ZNF438: variants seen among roughly 807,000 people sequenced by gnomAD.
The protein encoded by ZNF438 is zinc finger protein 438.
A neutral mutation model predicts 38.0 loss-of-function variants in ZNF438; 25 were observed. The observed-to-expected ratio is 0.66, with a 90% CI of 0.48 to 0.92. The LOEUF is 0.92. Ranked by LOEUF, ZNF438 falls within the 40% of genes least tolerant of loss-of-function variation. The pLI is 0.00. For missense variants in ZNF438, 1,007 were observed against 999.6 expected, an observed-to-expected ratio of 1.01 and a Z score of -0.10; for synonymous variants, 372 against 364.1, an observed-to-expected ratio of 1.02 and a Z score of -0.25.
At chr10:30,919,944 T>G (rs1170989830) in intron 2 of ZNF438, 1 of 152,296 alleles carries the variant, frequency 6.6e-6, no homozygotes, top group Non-Finnish European at 1.5e-5. Context: ...TCCTCATCTG[T>G]GTTCATGAAC....
intron 3 of ZNF438, among the ~76,000 whole-genome samples, chr10:30,901,999 G>A (rs1255452484): frequency 6.8e-6 from 1 of 146,934 alleles, no homozygotes; most frequent in Non-Finnish European, 1.5e-5. Flanking sequence ...GCTGGCTTTA[G>A]GAGTGAAGCT....
intron 1 of ZNF438, among the ~76,000 whole-genome samples, chr10:31,008,074 C>T (rs1232748719): frequency 6.6e-6 from 1 of 152,144 alleles, no homozygotes; most frequent in Admixed American, 6.5e-5. Flanking sequence ...TATGTTTCAA[C>T]ATTTTCAATA....
chr10:30,885,874 A>T, intron 3 of ZNF438, among the ~76,000 whole-genome samples: 1 of 152,236 alleles, frequency 6.6e-6, no homozygotes, highest in African/African-American at 2.4e-5. Flanking sequence ...GGAAATAAAA[A>T]AATTCAAGGG....
intron 3 of ZNF438, among the ~76,000 whole-genome samples, chr10:30,879,670 A>G (rs2038943389): frequency 6.6e-6 from 1 of 152,236 alleles, no homozygotes; most frequent in African/African-American, 2.4e-5. Flanking sequence ...TATAATGTAT[A>G]AGATGAAAAA....
At chr10:30,872,197 T>C (rs2037530125) in intron 4 of ZNF438, among the ~76,000 whole-genome samples, 1 of 151,422 alleles carries the variant, frequency 6.6e-6, no homozygotes, top group Admixed American at 6.6e-5. Flanking sequence ...GTCAAGCAAG[T>C]GGAATTTAAG....
intron 1 of ZNF438, among the ~76,000 whole-genome samples, chr10:30,953,700 T>C (rs73252658): frequency 0.012 from 1,829 of 150,798 alleles, 40 homozygotes; most frequent in African/African-American, 0.041. Flanking sequence ...GCATTGGCTT[T>C]GGGACCAGAG....
intron 1 of ZNF438, among the ~76,000 whole-genome samples, chr10:30,998,906 A>G (rs992621225): frequency 1.3e-5 from 2 of 152,198 alleles, no homozygotes; most frequent in African/African-American, 4.8e-5. Flanking sequence ...CTATTTCCAT[A>G]CACTTTCTGA....
At chr10:30,975,241 C>G (rs1470962105) in intron 1 of ZNF438, among the ~76,000 whole-genome samples, 1 of 152,046 alleles carries the variant, frequency 6.6e-6, no homozygotes, top group Non-Finnish European at 1.5e-5. Flanking sequence ...CAAGCATGTT[C>G]TGAAAAAAAC....
chr10:30,879,896 A>C (rs2038977918), intron 3 of ZNF438, among the ~76,000 whole-genome samples: 1 of 152,188 alleles, frequency 6.6e-6, no homozygotes, highest in South Asian at 2.1e-4. Flanking sequence ...AAGGGCAAAA[A>C]AATTATTTTA....
At chr10:30,906,615 C>G (rs1340373320) in intron 3 of ZNF438, among the ~76,000 whole-genome samples, 3 of 152,154 alleles carry the variant, frequency 2.0e-5, no homozygotes, top group East Asian at 3.9e-4. Context: ...TAAATAGAAA[C>G]AGTAAGATAA....
intron 1 of ZNF438, among the ~76,000 whole-genome samples, chr10:30,943,036 T>A (rs1041058790): frequency 3.3e-4 from 50 of 152,284 alleles, no homozygotes; most frequent in African/African-American, 1.0e-3. Context: ...AATTAACCAA[T>A]AAATTTTAGT....
intron 2 of ZNF438, among the ~76,000 whole-genome samples, chr10:30,913,642 T>C (rs1023514692): frequency 5.3e-5 from 8 of 152,034 alleles, no homozygotes; most frequent in Non-Finnish European, 1.2e-4. Context: ...AGCCTAGAAA[T>C]TAAGACACTT....
At chr10:31,003,196 C>T (rs1030159153) in intron 1 of ZNF438, among the ~76,000 whole-genome samples, 3 of 151,988 alleles carry the variant, frequency 2.0e-5, no homozygotes, top group Non-Finnish European at 4.4e-5. Flanking sequence ...TCCCAAATGC[C>T]GATAGCCACC....
chr10:30,872,533 G>A (rs1294415809), intron 4 of ZNF438, among the ~76,000 whole-genome samples: 2 of 148,092 alleles, frequency 1.4e-5, no homozygotes, highest in African/African-American at 4.9e-5. Context: ...GACAGATCAC[G>A]AGGTCAGGAG....
At chr10:30,956,728 T>C (rs2048905714) in intron 1 of ZNF438, among the ~76,000 whole-genome samples, 2 of 152,256 alleles carry the variant, frequency 1.3e-5, no homozygotes, top group African/African-American at 4.8e-5. Flanking sequence ...CATTCTTTTC[T>C]ATGGCTGAAT....
chr10:30,945,393 T>A (rs1439305692), intron 1 of ZNF438, among the ~76,000 whole-genome samples: 1 of 151,644 alleles, frequency 6.6e-6, no homozygotes, highest in Non-Finnish European at 1.5e-5. Context: ...TTTTACTTTT[T>A]TTTTTTTTAT....
At chr10:30,984,377 C>A (rs977346759) in intron 1 of ZNF438, 20 of 152,078 alleles carry the variant, frequency 1.3e-4, no homozygotes, top group Non-Finnish European at 4.4e-5. Flanking sequence ...ACCTATATCC[C>A]AAGGCTCCTG....
intron 2 of ZNF438, among the ~76,000 whole-genome samples, chr10:30,929,104 A>G (rs2045310965): frequency 6.6e-6 from 1 of 152,232 alleles, no homozygotes; most frequent in Non-Finnish European, 1.5e-5. Context: ...AGAAGAAAGC[A>G]GGTGGTGGCC....
At chr10:30,969,607 T>C (rs952900483) in intron 1 of ZNF438, among the ~76,000 whole-genome samples, 3 of 152,208 alleles carry the variant, frequency 2.0e-5, no homozygotes, top group East Asian at 3.8e-4. Flanking sequence ...CAATAATCAG[T>C]TCCCCATTAG....
Sources: allele counts gnomAD v4.1 joint callset (sites outside exome capture counted in the v4.1 genomes callset), GRCh38; gene constraint gnomAD v4.1.1; transcripts MANE v1.5; gene names NCBI Gene and HGNC (gene_info 2026-07-23, HGNC 2026-07-21).